Variants in TOX observed in about 807,000 individuals in gnomAD.
TOX encodes the protein thymocyte selection-associated high mobility group box protein TOX.
A neutral mutation model predicts 53.7 loss-of-function variants in TOX; 11 were observed. That is an observed-to-expected ratio of 0.20 (90% CI 0.13 to 0.34). The LOEUF (loss-of-function observed/expected upper bound fraction) is 0.34. Among genes scored for constraint, TOX ranks in the 10% least tolerant of loss-of-function variants. TOX has a pLI of 1.00. For missense variants in TOX, 570 were observed against 664.6 expected (o/e 0.86, Z 1.56); for synonymous variants, 225 against 245.3 (o/e 0.92, Z 0.77).
At chr8:59,072,138 C>T (rs1032318096) in intron 1 of TOX, among the ~76,000 whole-genome samples, 6 of 152,040 alleles carry the variant, frequency 3.9e-5, no homozygotes, top group Admixed American at 2.6e-4. Flanking sequence ...GTGTTGACAT[C>T]GTTGTAGTTC....
At chr8:59,060,274 G>A (rs944298751) in intron 1 of TOX, among the ~76,000 whole-genome samples, 7 of 151,970 alleles carry the variant, frequency 4.6e-5, no homozygotes, top group Non-Finnish European at 1.5e-5. Context: ...CTTACTTATC[G>A]CAACTCTTCC....
rs1172476864 is a variant in TOX at position 59,117,904 on chromosome 8, G to T, written c.102+982C>A. ...ACTAGCCCTAGGCGTGGGCAGTCGT[G>T]CCCCTGCGACCACTCTGGGGGACCG... On this transcript the variant is annotated intron_variant, in intron 1 of 8. Transcript: ENST00000361421. This position sits in a 1 kb window ranked among gnomAD's most constrained non-coding sequence, Gnocchi z 4.6. Among the ~76,000 whole-genome samples, 1 of 152,230 alleles carries T rather than the reference G, an allele frequency of 6.6e-6. No individual in the cohort carries two copies. The highest frequency in any genetic ancestry group is 1.5e-5 in the Non-Finnish European group (1 of 68,038).
intron 2 of TOX, among the ~76,000 whole-genome samples, chr8:58,944,446 G>A (rs1307580525): frequency 6.6e-6 from 1 of 152,150 alleles, no homozygotes; most frequent in African/African-American, 2.4e-5. Flanking sequence ...CGCACATTTA[G>A]CTTATAAAGT....
At chr8:58,870,387 C>A (rs1811177063) in intron 3 of TOX, among the ~76,000 whole-genome samples, 1 of 151,954 alleles carries the variant, frequency 6.6e-6, no homozygotes, top group African/African-American at 2.4e-5. Context: ...ATGGAAAAAA[C>A]CAAGATAGGC....
intron 3 of TOX, among the ~76,000 whole-genome samples, chr8:58,902,881 T>C (rs558045705): frequency 3.9e-5 from 6 of 152,306 alleles, no homozygotes; most frequent in South Asian, 4.1e-4. Context: ...AGTATCTACT[T>C]GTTTAGAAAA....
At chr8:59,093,691 G>A (rs1804664292) in intron 1 of TOX, among the ~76,000 whole-genome samples, 1 of 152,172 alleles carries the variant, frequency 6.6e-6, no homozygotes. Flanking sequence ...CTGTTTGCTT[G>A]AAAATACATT....
chr8:58,973,169 A>G (rs1409650742), intron 1 of TOX, among the ~76,000 whole-genome samples: 3 of 152,222 alleles, frequency 2.0e-5, no homozygotes, highest in Admixed American at 6.5e-5. Context: ...CCTATTCCCC[A>G]TTCTACATAA....
chr8:59,102,602 C>T (rs1387793537), intron 1 of TOX, among the ~76,000 whole-genome samples: 5 of 152,110 alleles, frequency 3.3e-5, no homozygotes, highest in African/African-American at 1.2e-4. Flanking sequence ...AGCAAAGACC[C>T]ACCCCCATGA....
chr8:58,959,408 C>T (rs920052033), intron 2 of TOX, among the ~76,000 whole-genome samples: 1 of 152,140 alleles, frequency 6.6e-6, no homozygotes, highest in African/African-American at 2.4e-5. Context: ...TACAAAGGTG[C>T]CCTTGAAAGG....
chr8:59,075,379 C>T (rs1665973421), intron 1 of TOX, among the ~76,000 whole-genome samples: 1 of 152,148 alleles, frequency 6.6e-6, no homozygotes, highest in African/African-American at 2.4e-5. Context: ...GAGAGGTGCC[C>T]ACTGTATACC....
intron 1 of TOX, among the ~76,000 whole-genome samples, chr8:59,028,082 ATC>A (rs1335532320): frequency 2.0e-5 from 3 of 152,342 alleles, no homozygotes; most frequent in African/African-American, 7.2e-5. Context: ...ATGAATTTGT[ATC>A]TGTTACCACG....
At chr8:58,950,211 C>A (rs915498778) in intron 2 of TOX, among the ~76,000 whole-genome samples, 25 of 150,556 alleles carry the variant, frequency 1.7e-4, no homozygotes, top group African/African-American at 6.1e-4. Flanking sequence ...TTCATATACA[C>A]GTGTAATATA....
At chr8:58,911,784 A>G (rs1007440553) in intron 3 of TOX, among the ~76,000 whole-genome samples, 1 of 152,090 alleles carries the variant, frequency 6.6e-6, no homozygotes, top group African/African-American at 2.4e-5. Context: ...GCTCACTGCA[A>G]CCTCTGCCTC....
At chr8:58,938,345 TGACA>T (rs751552378) in intron 3 of TOX, among the ~76,000 whole-genome samples, 1 of 151,638 alleles carries the variant, frequency 6.6e-6, no homozygotes, top group Non-Finnish European at 1.5e-5. Context: ...ATTGTGAAAA[TGACA>T]GTACTGTTCG....
intron 1 of TOX, among the ~76,000 whole-genome samples, chr8:58,989,589 T>C (rs1471214505): frequency 6.6e-6 from 1 of 152,202 alleles, no homozygotes; most frequent in Non-Finnish European, 1.5e-5. Context: ...CCTTTACTGT[T>C]AGCAAAAGAC....
chr8:58,841,369 G>A (rs4738721), intron 4 of TOX, among the ~76,000 whole-genome samples: 70,833 of 152,048 alleles, frequency 0.47, 18,712 homozygotes, highest in African/African-American at 0.74. Context: ...TCCCTGATAC[G>A]TAGTAAATGC....
intron 1 of TOX, among the ~76,000 whole-genome samples, chr8:59,053,271 T>G (rs1803827886): frequency 6.6e-6 from 1 of 152,202 alleles, no homozygotes; most frequent in Admixed American, 6.5e-5. Flanking sequence ...CTTTCTATCT[T>G]TTAATATGTT....
intron 1 of TOX, among the ~76,000 whole-genome samples, chr8:58,986,247 G>C (rs1381578084): frequency 6.6e-6 from 1 of 152,018 alleles, no homozygotes; most frequent in Non-Finnish European, 1.5e-5. Flanking sequence ...AAACCTTCAG[G>C]GTACTTAGAG....
intron 5 of TOX, 107 bp downstream of exon 5, chr8:58,837,974 C>A (rs1051114875): frequency 8.0e-6 from 8 of 999,984 alleles, no homozygotes; most frequent in Non-Finnish European, 1.2e-5. Flanking sequence ...ACCTTCTCAG[C>A]GTCTGTTCTG....
Sources: gnomAD v4.1 joint callset for allele counts (sites outside exome capture counted in the v4.1 genomes callset) on GRCh38, gnomAD v4.1.1 for gene constraint, Gnocchi (gnomAD v3.1) non-coding constraint, MANE v1.5 for transcripts, NCBI Gene and HGNC (gene_info 2026-07-23, HGNC 2026-07-21) for gene names.